Variants in PDE1C observed in about 807,000 individuals in gnomAD.
The protein encoded by PDE1C is phosphodiesterase 1C, also known as dual specificity calcium/calmodulin-dependent 3',5'-cyclic nucleotide phosphodiesterase 1C.
Under a neutral mutation model 93.1 loss-of-function variants are expected in PDE1C, and 62 were observed. The observed-to-expected ratio is 0.67, with a 90% CI of 0.54 to 0.82. PDE1C has a LOEUF of 0.82. PDE1C is among the 40% of genes least tolerant of loss of function. The pLI, the probability that PDE1C is intolerant of heterozygous loss-of-function variation, is 0.00. For missense variants in PDE1C, 742 were observed against 884.6 expected (o/e 0.84, Z 2.04); for synonymous variants, 325 against 310.1 (o/e 1.05, Z -0.50).
At chr7:31,627,023 T>C in the PDE1C span, among the ~76,000 whole-genome samples, 1 of 152,270 alleles carries the variant, frequency 6.6e-6, no homozygotes, top group South Asian at 2.1e-4. Context: ...AAAACACATA[T>C]GTTGAGGAAG....
chr7:32,293,343 G>A (rs1259534802), intron 1 of PDE1C, among the ~76,000 whole-genome samples: 1 of 152,120 alleles, frequency 6.6e-6, no homozygotes, highest in Non-Finnish European at 1.5e-5. Flanking sequence ...CCCCCTAAAA[G>A]CGGGCACTCT....
At chr7:31,766,395 A>G (rs1325565955) in intron 17 of PDE1C, among the ~76,000 whole-genome samples, 2 of 152,180 alleles carry the variant, frequency 1.3e-5, no homozygotes, top group East Asian at 3.9e-4. Flanking sequence ...AAAAAAAAAA[A>G]ATCTTTAATA....
chr7:31,902,652 T>C (rs1009427175), intron 2 of PDE1C, among the ~76,000 whole-genome samples: 7 of 151,922 alleles, frequency 4.6e-5, no homozygotes, highest in East Asian at 1.9e-4. Context: ...GCAGCAAAGA[T>C]GGAAAACAGC....
At chr7:32,019,214 C>G (rs1194710804) in intron 2 of PDE1C, among the ~76,000 whole-genome samples, 1 of 149,242 alleles carries the variant, frequency 6.7e-6, no homozygotes, top group Non-Finnish European at 1.5e-5. Flanking sequence ...CACAAGGCTG[C>G]GTGGTAAGAG....
intron 3 of PDE1C, among the ~76,000 whole-genome samples, chr7:32,128,965 A>T (rs1332759375): frequency 1.4e-5 from 2 of 139,302 alleles, no homozygotes; most frequent in Admixed American, 1.5e-4. Flanking sequence ...AGAAAAATCT[A>T]AAAAAAACAG....
At chr7:31,856,022 A>G (rs1177980940) in intron 7 of PDE1C, among the ~76,000 whole-genome samples, 2 of 152,190 alleles carry the variant, frequency 1.3e-5, no homozygotes, top group African/African-American at 4.8e-5. Context: ...AAAGGATCCA[A>G]GTATCTTCTA....
chr7:31,948,835 A>G (rs1242772711), intron 2 of PDE1C, among the ~76,000 whole-genome samples: 1 of 152,174 alleles, frequency 6.6e-6, no homozygotes, highest in Non-Finnish European at 1.5e-5. Context: ...AAGATCCACA[A>G]CAAGCCCCAA....
At chr7:32,262,110 C>T (rs1810251283) in intron 1 of PDE1C, among the ~76,000 whole-genome samples, 1 of 151,156 alleles carries the variant, frequency 6.6e-6, no homozygotes, top group Admixed American at 6.6e-5. Flanking sequence ...GATTCACCCC[C>T]ACTGGATGGG....
chr7:32,264,741 C>T (rs1332225512), intron 1 of PDE1C, among the ~76,000 whole-genome samples: 3 of 152,204 alleles, frequency 2.0e-5, no homozygotes, highest in Non-Finnish European at 4.4e-5. Flanking sequence ...TCTATCTGTC[C>T]TGGAGTGATG....
the PDE1C span, among the ~76,000 whole-genome samples, chr7:31,674,284 G>A: frequency 6.6e-6 from 1 of 152,096 alleles, no homozygotes; most frequent in South Asian, 2.1e-4. Flanking sequence ...TTGATGGAAG[G>A]ATAGAAGAAT....
At chr7:32,007,658 A>T (rs1324986420) in intron 2 of PDE1C, among the ~76,000 whole-genome samples, 1 of 152,196 alleles carries the variant, frequency 6.6e-6, no homozygotes, top group African/African-American at 2.4e-5. Context: ...CACTGTCACT[A>T]GTCCCAATTA....
intron 15 of PDE1C, among the ~76,000 whole-genome samples, chr7:31,814,369 C>T (rs1263101152): frequency 6.6e-6 from 1 of 151,992 alleles, no homozygotes; most frequent in East Asian, 1.9e-4. Context: ...TAAGAGCAAT[C>T]TCCAGAAGGG....
intron 16 of PDE1C, among the ~76,000 whole-genome samples, chr7:31,790,669 C>T (rs912522228): frequency 1.3e-5 from 2 of 152,032 alleles, no homozygotes; most frequent in African/African-American, 4.8e-5. Context: ...AAGCAATACT[C>T]CTCCCTCTCA....
chr7:31,669,090 G>A, the PDE1C span, among the ~76,000 whole-genome samples: 1 of 152,156 alleles, frequency 6.6e-6, no homozygotes. Context: ...TCACTGGAGA[G>A]TTTGTAAGAT....
chr7:32,220,140 T>A (rs1247881447), intron 1 of PDE1C, among the ~76,000 whole-genome samples: 2 of 152,096 alleles, frequency 1.3e-5, no homozygotes, highest in Non-Finnish European at 2.9e-5. Context: ...GTCTTGGGTA[T>A]GTCTTTATCA....
intron 2 of PDE1C, among the ~76,000 whole-genome samples, chr7:31,922,157 C>T (rs774273865): frequency 2.0e-4 from 30 of 152,150 alleles, no homozygotes; most frequent in Admixed American, 5.2e-4. Context: ...TGATAATATC[C>T]GACTCTTCTT....
At chr7:31,985,834 G>C (rs535168220) in intron 2 of PDE1C, among the ~76,000 whole-genome samples, 4 of 152,086 alleles carry the variant, frequency 2.6e-5, no homozygotes, top group Non-Finnish European at 5.9e-5. Context: ...TGGACATTTG[G>C]GTTGGTTCCA....
chr7:32,123,790 TGGTACAAGACAA>T (rs1439909801), intron 3 of PDE1C, among the ~76,000 whole-genome samples: 3 of 152,160 alleles, frequency 2.0e-5, no homozygotes, highest in Non-Finnish European at 2.9e-5. Context: ...TTTAGAAAAC[TGGTACAAGACAA>T]GGATGCCCTC....
At chr7:32,195,576 G>A (rs913412302) in intron 2 of PDE1C, among the ~76,000 whole-genome samples, 46 of 152,158 alleles carry the variant, frequency 3.0e-4, no homozygotes, top group African/African-American at 1.1e-3. Context: ...ATGAGGCTGG[G>A]TTCAGTGGCT....
Sources: allele counts gnomAD v4.1 joint callset (sites outside exome capture counted in the v4.1 genomes callset), GRCh38; gene constraint gnomAD v4.1.1; transcripts MANE v1.5; gene names NCBI Gene and HGNC (gene_info 2026-07-23, HGNC 2026-07-21).